MAPKAPK2: variants seen among roughly 807,000 people sequenced by gnomAD.
MAPKAPK2 encodes MAP kinase-activated protein kinase 2.
A neutral mutation model predicts 48.8 loss-of-function variants in MAPKAPK2; 9 were observed. The observed-to-expected ratio is 0.18, with a 90% CI of 0.11 to 0.32. The LOEUF is 0.32. Among genes scored for constraint, MAPKAPK2 ranks in the 10% least tolerant of loss-of-function variants. The probability of loss-of-function intolerance (pLI) is 1.00; values close to 1 mark genes in which losing one functional copy is unlikely to be tolerated. For synonymous variants in MAPKAPK2, 202 were observed against 190.6 expected, an observed-to-expected ratio of 1.06 and a Z score of -0.49; for missense variants, 331 against 498.3, an observed-to-expected ratio of 0.66 and a Z score of 3.20.
rs1160720413 is a variant in MAPKAPK2, at chr1:206,704,900, C to G, written c.279+19392C>G. 6.6e-6 allele frequency among the ~76,000 whole-genome samples: 1 copy of G among 152,314 alleles called. No homozygotes were observed. Among genetic ancestry groups the G allele is most frequent in the African/African-American group, 2.4e-5 (1 of 41,580 alleles). On this transcript the variant is annotated intron_variant, in intron 1 of 9. Transcript: ENST00000367103. The surrounding 1 kb of genome is among the most constrained non-coding windows in gnomAD (Gnocchi z 4.3). ...TTGGAAGAAGGAGCCGCCCGTTTCTCCAAGTGCAGCGCCAGTCCCGAGACA... is the reference window on the plus strand; with the variant it reads ...TTGGAAGAAGGAGCCGCCCGTTTCTGCAAGTGCAGCGCCAGTCCCGAGACA...
chr1:206,705,205 G>A (rs1304406144), intron 1 of MAPKAPK2, among the ~76,000 whole-genome samples: 1 of 152,126 alleles, frequency 6.6e-6, no homozygotes, highest in African/African-American at 2.4e-5. Context: ...AAAGGTGTAT[G>A]TATGTTTGCA....
chr1:206,685,371 G>T lies in MAPKAPK2; in HGVS notation c.142G>T (p.Val48Phe). The change falls in exon 1 of 10, where the codon GTC becomes TTC. Residue 48 changes from valine (V) to phenylalanine (F), a missense_variant. This residue lies in a region of MAPKAPK2 where 93 missense variants were observed against 81.0 expected (regional missense o/e 1.15). Transcript: ENST00000367103. ...CCCGCAGCAGTTCCCGCAGTTCCAC[G>T]TCAAGTCCGGCCTGCAGATCAAGAA... is the stretch of plus-strand genomic sequence containing the variant. Reference protein sequence around the residue: ...PPPQQFPQFHVKSGLQIKKNA... With the variant: ...PPPQQFPQFHFKSGLQIKKNA... 1 of 1,433,152 alleles carries T rather than the reference G, an allele frequency of 7.0e-7. No individual in the cohort carries two copies. Among genetic ancestry groups the T allele is most frequent in the Non-Finnish European group, 9.3e-7 (1 of 1,071,828 alleles). The allele number at this position is 1,433,152 out of a possible 1,614,324, so 88.8% of individuals were successfully genotyped here.
Position 206,728,940 on chromosome 1 carries a change from G to C in MAPKAPK2, c.419+91G>C, listed in dbSNP as rs1265423060. 3.7e-6 allele frequency: 6 copies of C among 1,611,174 alleles called. No individual in the cohort carries two copies. The African/African-American group carries it at 8.0e-5, about 22-fold the overall frequency. On this transcript the variant is annotated intron_variant, in intron 2 of 9. Coordinates refer to ENST00000367103, the MANE Select transcript of MAPKAPK2 (RefSeq NM_032960.4). ...CTGAGGACAGCCCAGGGATGGGCCT[G>C]AAGCCTGGAATGTAAACACTTGATT...
chr1:206,709,325 G>C (rs1490897089), intron 1 of MAPKAPK2, among the ~76,000 whole-genome samples: 4 of 152,034 alleles, frequency 2.6e-5, no homozygotes, highest in South Asian at 4.1e-4. Flanking sequence ...TTATATCCTG[G>C]TTGTCCTCCT....
Position 206,731,528 on chromosome 1 carries a change from C to G in MAPKAPK2, c.893-112C>G. 2.7e-6 allele frequency: 3 copies of G among 1,128,880 alleles called. No homozygotes were observed. The highest frequency in any genetic ancestry group is 4.0e-6 in the Non-Finnish European group (3 of 747,694). 69.9% of individuals were successfully genotyped at this position (1,128,880 alleles called of 1,614,324 possible). On this transcript the variant is annotated intron_variant, in intron 7 of 9. Transcript: ENST00000367103. This position sits in a 1 kb window ranked among gnomAD's most constrained non-coding sequence, Gnocchi z 5.9. ...CCTTGGGGCCAGTTGCTCCGGCAGC[C>G]TGCCTCCATGCACCCCCTCTTTGAA... is the stretch of plus-strand genomic sequence containing the variant.
chr1:206,732,419 G>C lies in MAPKAPK2; in HGVS notation c.1060-156G>C, dbSNP rs797029407. 6.8e-7 allele frequency: 1 copy of C among 1,466,106 alleles called. No individual in the cohort carries two copies. Among genetic ancestry groups the C allele is most frequent in the Non-Finnish European group, 9.0e-7 (1 of 1,106,984 alleles). 90.8% of individuals were successfully genotyped at this position (1,466,106 alleles called of 1,614,324 possible). Reference sequence around the variant, plus strand: ...CTGGGGTGAGGCTGCCGTTGTCAGCGTGGACCACTAACCAGCCCGTCTTCT... The same window carrying C: ...CTGGGGTGAGGCTGCCGTTGTCAGCCTGGACCACTAACCAGCCCGTCTTCT... On this transcript the variant is annotated intron_variant, in intron 9 of 9. Coordinates refer to ENST00000367103, the MANE Select transcript of MAPKAPK2 (RefSeq NM_032960.4). This position sits in a 1 kb window ranked among gnomAD's most constrained non-coding sequence, Gnocchi z 4.4.
At chr1:206,694,339 G>A (rs139933766) in intron 1 of MAPKAPK2, among the ~76,000 whole-genome samples, 3 of 152,134 alleles carry the variant, frequency 2.0e-5, no homozygotes, top group Admixed American at 2.0e-4. Flanking sequence ...ACCATGTGTC[G>A]ATGGCCTCCT....
At chr1:206,701,010 G>A (rs1037126954) in intron 1 of MAPKAPK2, among the ~76,000 whole-genome samples, 3 of 152,188 alleles carry the variant, frequency 2.0e-5, no homozygotes, top group Non-Finnish European at 2.9e-5. Context: ...TGTGTTCCCT[G>A]TACCTGTTGC....
At chr1:206,694,168 A>G (rs553969022) in intron 1 of MAPKAPK2, among the ~76,000 whole-genome samples, 1 of 152,300 alleles carries the variant, frequency 6.6e-6, no homozygotes, top group South Asian at 2.1e-4. Flanking sequence ...TAATCCCTAG[A>G]CAGGTGTTGA....
In MAPKAPK2 at chr1:206,732,244, C is replaced by T. The variant is rs980668385; in HGVS notation, c.1059+325C>T. ...GCCCAGAGGCGGAGGGCAGTCTGCT[C>T]AAGGTCACGCAGCTGGTGACTGGTT... On this transcript the variant is annotated intron_variant, in intron 9 of 9. Transcript: ENST00000367103. This position sits in a 1 kb window ranked among gnomAD's most constrained non-coding sequence, Gnocchi z 4.4. The T allele has an allele frequency of 3.6e-5, 54 of 1,489,120 alleles. No individual in the cohort carries two copies. In the African/African-American group the frequency reaches 7.1e-4, roughly 20 times the overall value. The allele number at this position is 1,489,120 out of a possible 1,614,324, so 92.2% of individuals were successfully genotyped here. A position where few individuals can be genotyped will look rare whatever the true frequency, so the allele number is the denominator to read the frequency against.
At chr1:206,707,395 CTCT>C (rs138061396) in intron 1 of MAPKAPK2, among the ~76,000 whole-genome samples, 2,752 of 152,202 alleles carry the variant, frequency 0.018, 45 homozygotes, top group African/African-American at 0.034. Context: ...ACATCTCTCC[CTCT>C]TCTTTAAGAT....
intron 1 of MAPKAPK2, among the ~76,000 whole-genome samples, chr1:206,728,358 G>A (rs769281246): frequency 1.3e-5 from 2 of 152,004 alleles, no homozygotes; most frequent in Non-Finnish European, 2.9e-5. Context: ...TTCTCAGTCT[G>A]CCTTTCTCCC....
In MAPKAPK2 at chr1:206,704,347, G is replaced by A. The variant is rs1672888494; in HGVS notation, c.279+18839G>A. On this transcript the variant is annotated intron_variant, in intron 1 of 9. Transcript: ENST00000367103. The surrounding 1 kb of genome is among the most constrained non-coding windows in gnomAD (Gnocchi z 4.3). Reference sequence around the variant, plus strand: ...GGGGTCTCCCAGGGTCCCCTTGCTGGGCACGCTTGGCAGGCATCCTGCTTT... The same window carrying A: ...GGGGTCTCCCAGGGTCCCCTTGCTGAGCACGCTTGGCAGGCATCCTGCTTT... Among the ~76,000 whole-genome samples, 1 of 152,204 alleles carries A rather than the reference G, an allele frequency of 6.6e-6. No individual in the cohort carries two copies. The highest frequency in any genetic ancestry group is 6.5e-5 in the Admixed American group (1 of 15,274).
Position 206,685,343 on chromosome 1 carries a change from G to A in MAPKAPK2, c.114G>A (p.Pro38=). The A allele has an allele frequency of 8.0e-7, 1 of 1,254,426 alleles. No homozygotes were observed. Among genetic ancestry groups the A allele is most frequent in the South Asian group, 1.3e-5 (1 of 78,360 alleles). 77.7% of individuals were successfully genotyped at this position (1,254,426 alleles called of 1,614,324 possible). A position where few individuals can be genotyped will look rare whatever the true frequency, so the allele number is the denominator to read the frequency against. Residue 38 remains proline, a synonymous_variant, in exon 1 of 10, where the codon CCG becomes CCA. Transcript: ENST00000367103. ...LPHPPAQPPP[P]PPQQFPQFHV... ...ACCCCCCGGCGCAGCCGCCGCCGCC[G>A]CCCCCGCAGCAGTTCCCGCAGTTCC...
At chr1:206,691,504 T>TATATATAC (rs1424297313) in intron 1 of MAPKAPK2, among the ~76,000 whole-genome samples, 1,187 of 112,070 alleles carry the variant, frequency 0.011, 42 homozygotes, top group African/African-American at 0.014. Context: ...TATATATATA[T>TATATATAC]ACACACATAC....
In MAPKAPK2 at chr1:206,704,840, T is replaced by C. The variant is rs1277801588; in HGVS notation, c.279+19332T>C. Among the ~76,000 whole-genome samples, 9 of 152,186 alleles carry C rather than the reference T, an allele frequency of 5.9e-5. No individual in the cohort carries two copies. Among genetic ancestry groups the C allele is most frequent in the Admixed American group, 5.2e-4 (8 of 15,300 alleles). On this transcript the variant is annotated intron_variant, in intron 1 of 9. Transcript: ENST00000367103. This position sits in a 1 kb window ranked among gnomAD's most constrained non-coding sequence, Gnocchi z 4.3. ...CAAGGTATTTCTTGTGTACTCCAAG[T>C]GGTAGGAGAGCTATGTTCAGGGAAC...
In MAPKAPK2 at chr1:206,715,289, G is replaced by A. The variant is rs544763304; in HGVS notation, c.280-13421G>A. Among the ~76,000 whole-genome samples the A allele has an allele frequency of 8.5e-5, 13 of 152,282 alleles. No individual in the cohort carries two copies. The East Asian group carries it at 2.5e-3, about 29-fold the overall frequency. On this transcript the variant is annotated intron_variant, in intron 1 of 9. Coordinates refer to ENST00000367103, the MANE Select transcript of MAPKAPK2 (RefSeq NM_032960.4). ...CTCCCTGGTTCTTCTTATGGCTTTG[G>A]ATGTAGCTTGAAGACATGCTCCTAG...
At chr1:206,726,149 G>C (rs1553431819) in intron 1 of MAPKAPK2, among the ~76,000 whole-genome samples, 1 of 152,216 alleles carries the variant, frequency 6.6e-6, no homozygotes, top group Non-Finnish European at 1.5e-5. Flanking sequence ...ACATTGGGAG[G>C]CCAAGGTGGG....
chr1:206,685,554 C>G lies in MAPKAPK2; in HGVS notation c.279+46C>G, dbSNP rs1313995914. 15 of 1,410,036 alleles carry G rather than the reference C, an allele frequency of 1.1e-5. No individual in the cohort carries two copies. The African/African-American group carries it at 1.2e-4, about 12-fold the overall frequency. 87.3% of individuals were successfully genotyped at this position (1,410,036 alleles called of 1,614,324 possible). Reference sequence around the variant, plus strand: ...GGGGAGGCGGGGCCGGTCCCGGGCCCTGGAGCTCCACGGCGTCGGGTGCCC... The same window carrying G: ...GGGGAGGCGGGGCCGGTCCCGGGCCGTGGAGCTCCACGGCGTCGGGTGCCC... On this transcript the variant is annotated intron_variant, in intron 1 of 9. Transcript: ENST00000367103.
Sources: gnomAD v4.1 joint callset for allele counts (sites outside exome capture counted in the v4.1 genomes callset) on GRCh38, gnomAD v4.1.1 for gene constraint, gnomAD v4.1.1 regional missense constraint, Gnocchi (gnomAD v3.1) non-coding constraint, MANE v1.5 for transcripts, NCBI Gene and HGNC (gene_info 2026-07-23, HGNC 2026-07-21) for gene names.